CPNE7: variants seen among roughly 807,000 people sequenced by gnomAD.
The protein encoded by CPNE7 is copine 7.
CPNE7 carries 78 observed loss-of-function variants against 66.5 expected under a neutral mutation model. The ratio of observed to expected loss-of-function variants is 1.17; its 90% CI spans 0.98 to 1.42. CPNE7 has a LOEUF of 1.42. CPNE7 is among the 40% of genes most tolerant of loss of function. The pLI is 0.00. For synonymous variants in CPNE7, 468 were observed against 336.7 expected (o/e 1.39, Z -4.27); for missense variants, 1,012 against 776.6 (o/e 1.30, Z -3.60).
intron 11 of CPNE7, 144 bp downstream of exon 11, chr16:89,590,095 C>T (rs2059145549): frequency 1.1e-6 from 1 of 940,076 alleles, no homozygotes; most frequent in Non-Finnish European, 1.6e-6. Flanking sequence ...GCGGGAACCC[C>T]AGCCTTCTAG....
intron 11 of CPNE7, among the ~76,000 whole-genome samples, chr16:89,590,156 C>T (rs905514825): frequency 9.2e-5 from 14 of 152,218 alleles, no homozygotes; most frequent in East Asian, 1.9e-4. Flanking sequence ...TGAGGGGTGT[C>T]TGGAGGCCAA....
chr16:89,584,933 AG>A lies in CPNE7; in HGVS notation c.591+78del. ...CCTCACGCATCTCTGGCCACATGGG[AG>A]GAGCTCCCAGCCTCCAACAGGGAGC... On this transcript the variant is annotated intron_variant, in intron 5 of 14. Transcript: ENST00000319518. This position sits in a 1 kb window ranked among gnomAD's most constrained non-coding sequence, Gnocchi z 6.0. The A allele has an allele frequency of 7.7e-7, 1 of 1,292,006 alleles. No homozygotes were observed. Among genetic ancestry groups the A allele is most frequent in the Non-Finnish European group, 1.1e-6 (1 of 901,424 alleles). The allele number at this position is 1,292,006 out of a possible 1,614,324, so 80.0% of individuals were successfully genotyped here.
In CPNE7 at chr16:89,584,843, G is replaced by C; in HGVS notation, c.577G>C (p.Val193Leu). ...CAACGACGACCAGGGCTTGCAGCTG[G>C]TGTACAGGACGGAGGTGAGCGGCCG... Reference protein sequence around the residue: ...RVNDDQGLQLVYRTEVVKNNL... With the variant: ...RVNDDQGLQLLYRTEVVKNNL... The change falls in exon 5 of 15, where the codon GTG becomes CTG. Residue 193 changes from valine (V) to leucine (L), a missense_variant. Coordinates refer to ENST00000319518, the MANE Select transcript of CPNE7 (RefSeq NM_153636.3). The surrounding 1 kb of genome is among the most constrained non-coding windows in gnomAD (Gnocchi z 6.0). 6.2e-7 allele frequency: 1 copy of C among 1,613,552 alleles called. No homozygotes were observed. Among genetic ancestry groups the C allele is most frequent in the Non-Finnish European group, 8.5e-7 (1 of 1,179,942 alleles).
chr16:89,578,644 C>T (rs1456408573), intron 2 of CPNE7, among the ~76,000 whole-genome samples: 1 of 151,564 alleles, frequency 6.6e-6, no homozygotes, highest in Non-Finnish European at 1.5e-5. Context: ...CCTGTAATCC[C>T]AGCTACTCTG....
chr16:89,585,347 T>C (rs753399633), intron 5 of CPNE7, 117 bp from the exon 6 acceptor site: 40 of 728,704 alleles, frequency 5.5e-5, no homozygotes, highest in Non-Finnish European at 9.0e-5. Context: ...TCTGGGGTGA[T>C]GCAGGGGCAG....
At chr16:89,589,666 G>A (rs980749709) in intron 10 of CPNE7, among the ~76,000 whole-genome samples, 9 of 152,124 alleles carry the variant, frequency 5.9e-5, no homozygotes, top group African/African-American at 1.9e-4. Context: ...GTACACAAAC[G>A]TGGAGTTGGG....
rs2059011912 is a variant in CPNE7 at position 89,584,913 on chromosome 16, CGCATCTCT to C, written c.591+58_591+65del. The C allele has an allele frequency of 6.7e-7, 1 of 1,485,300 alleles. No individual in the cohort carries two copies. The highest frequency in any genetic ancestry group is 9.4e-7 in the Non-Finnish European group (1 of 1,069,082). The allele number at this position is 1,485,300 out of a possible 1,614,324, so 92.0% of individuals were successfully genotyped here. A position where few individuals can be genotyped will look rare whatever the true frequency, so the allele number is the denominator to read the frequency against. On this transcript the variant is annotated intron_variant, in intron 5 of 14. Transcript: ENST00000319518. The surrounding 1 kb of genome is among the most constrained non-coding windows in gnomAD (Gnocchi z 6.0). ...GGGAAGGGGCTGTCCCCAGCCCTCA[CGCATCTCT>C]GGCCACATGGGAGGAGCTCCCAGCC...
intron 2 of CPNE7, among the ~76,000 whole-genome samples, chr16:89,581,958 A>G (rs928414797): frequency 7.9e-5 from 12 of 152,192 alleles, no homozygotes; most frequent in East Asian, 3.9e-4. Flanking sequence ...ACACCTTTCT[A>G]TGTACACACA....
At chr16:89,593,588 G>A (rs540770126) in intron 13 of CPNE7, among the ~76,000 whole-genome samples, 50 of 152,124 alleles carry the variant, frequency 3.3e-4, no homozygotes, top group Admixed American at 8.5e-4. Context: ...TCCTGACCTC[G>A]TGATCCGCCC....
intron 9 of CPNE7, chr16:89,587,517 T>A (rs2059073877): frequency 4.4e-6 from 2 of 451,224 alleles, no homozygotes; most frequent in Non-Finnish European, 8.9e-6. Flanking sequence ...GGAGGTGACA[T>A]CACCAGGGCT....
In CPNE7 at chr16:89,587,200, G is replaced by C. The variant is rs1413185055; in HGVS notation, c.927+98G>C. The C allele has an allele frequency of 2.4e-4, 102 of 426,518 alleles. 1 individual carries two copies. In the African/African-American group the frequency reaches 4.6e-3, roughly 19 times the overall value. The allele number at this position is 426,518 out of a possible 1,614,324, so 26.4% of individuals were successfully genotyped here. ...GGCCCCGCCCCTCCCCGCCCCCTCA[G>C]TCTGTGGCCCCGCCCATCCCCGCCC... is the stretch of plus-strand genomic sequence containing the variant. On this transcript the variant is annotated intron_variant, in intron 9 of 14. Transcript: ENST00000319518.
chr16:89,584,639 C>T lies in CPNE7; in HGVS notation c.508-135C>T. 1.5e-6 allele frequency: 1 copy of T among 683,702 alleles called. No homozygotes were observed. The highest frequency in any genetic ancestry group is 2.6e-6 in the Non-Finnish European group (1 of 387,624). 42.4% of individuals were successfully genotyped at this position (683,702 alleles called of 1,614,324 possible). A position where few individuals can be genotyped will look rare whatever the true frequency, so the allele number is the denominator to read the frequency against. On this transcript the variant is annotated intron_variant, in intron 4 of 14. Transcript: ENST00000319518. This position sits in a 1 kb window ranked among gnomAD's most constrained non-coding sequence, Gnocchi z 6.0. ...AGGGACGAGATGCTGTCGGCGGGGA[C>T]TGGCTGCCTCGTTTTGTGCCTGAGG...
At position 89,587,646 on chromosome 16, in the gene CPNE7, C is replaced by T. The variant is rs1177525827; in HGVS notation, c.927+544C>T. ...CATCCAAGGAGCCCGGCACAGACCC[C>T]GTGTCACCCCCATGTCACCCGCAGA... is the stretch of plus-strand genomic sequence containing the variant. On this transcript the variant is annotated intron_variant, in intron 9 of 14. Transcript: ENST00000319518. 263 of 446,862 alleles carry T rather than the reference C, an allele frequency of 5.9e-4. 2 individuals carry two copies. The highest frequency in any genetic ancestry group is 4.0e-3 in the South Asian group (254 of 63,780). The allele number at this position is 446,862 out of a possible 1,614,324, so 27.7% of individuals were successfully genotyped here.
chr16:89,581,416 G>A (rs972066862), intron 2 of CPNE7, among the ~76,000 whole-genome samples: 3 of 152,138 alleles, frequency 2.0e-5, no homozygotes, highest in African/African-American at 7.2e-5. Context: ...CCAGCTCCCC[G>A]CCTGGTTCGT....
rs1052271089 is a variant in CPNE7 at position 89,588,726 on chromosome 16, C to T, written c.979C>T (p.Leu327=). Residue 327 remains leucine, a synonymous_variant, in exon 10 of 15, where the codon CTG becomes TTG. Transcript: ENST00000319518. ...SNGDPRNSCS[L]HYINPYQPNE... ...TGGAGACCCGCGGAACAGCTGCTCC[C>T]TGCACTACATCAACCCCTACCAGCC... 2 of 1,613,650 alleles carry T rather than the reference C, an allele frequency of 1.2e-6. No homozygotes were observed. Among genetic ancestry groups the T allele is most frequent in the Non-Finnish European group, 1.7e-6 (2 of 1,179,984 alleles).
rs1273138043 is a variant in CPNE7 at position 89,591,047 on chromosome 16, A to G, written c.1157A>G (p.Asp386Gly). 39 of 1,613,352 alleles carry G rather than the reference A, an allele frequency of 2.4e-5. No individual in the cohort carries two copies. Among genetic ancestry groups the G allele is most frequent in the Non-Finnish European group, 3.1e-5 (37 of 1,179,836 alleles). The change falls in exon 12 of 15, where the codon GAT (aspartate) becomes GGT (glycine). Residue 386 changes from aspartate (D) to glycine (G), a missense_variant. Physicochemically the swap from Asp to Gly is moderately conservative, Grantham distance 94. Transcript: ENST00000319518. The part of the protein sequence containing the change: ...DFAINFNPED[D>G]ECEGIQGVVE... The stretch of plus-strand genomic sequence containing the variant: ...GCCATCAATTTCAACCCTGAGGACG[A>G]TGAGTGTGAAGGTAGGAGCTCGAGG...
Position 89,584,125 on chromosome 16 carries a change from C to T in CPNE7, c.507+23C>T. The T allele has an allele frequency of 6.3e-7, 1 of 1,599,696 alleles. No individual in the cohort carries two copies. The highest frequency in any genetic ancestry group is 8.5e-7 in the Non-Finnish European group (1 of 1,174,690). On this transcript the variant is annotated intron_variant, in intron 4 of 14. Coordinates refer to ENST00000319518, the MANE Select transcript of CPNE7 (RefSeq NM_153636.3). This position sits in a 1 kb window ranked among gnomAD's most constrained non-coding sequence, Gnocchi z 6.0. ...AAGGTGAGTGCAGGTGCCGGGCACG[C>T]CTGGCTCAGGCTGAGGTCCGGGAAC...
chr16:89,577,791 G>A (rs967949466), intron 2 of CPNE7, 70 bp downstream of exon 2: 2 of 1,490,646 alleles, frequency 1.3e-6, no homozygotes, highest in Admixed American at 2.0e-5. Flanking sequence ...CAAGGCTGAT[G>A]TACCAGCACC....
At position 89,589,603 on chromosome 16, in the gene CPNE7, A is replaced by ACCCCT. The variant is rs1164945400; in HGVS notation, c.1062-290_1062-286dup. On this transcript the variant is annotated intron_variant, in intron 10 of 14. Coordinates refer to ENST00000319518, the MANE Select transcript of CPNE7 (RefSeq NM_153636.3). ...ACAGTGGGTTCCTTGGCCCCACAGG[A>ACCCCT]CCCCTCCCGTGGTCTGAGAGCCCCC... Among the ~76,000 whole-genome samples, 3 of 151,332 alleles carry ACCCCT rather than the reference A, an allele frequency of 2.0e-5. No homozygotes were observed. The East Asian group carries it at 5.9e-4, about 30-fold the overall frequency.
Sources: allele counts gnomAD v4.1 joint callset (sites outside exome capture counted in the v4.1 genomes callset), GRCh38; gene constraint gnomAD v4.1.1; non-coding constraint Gnocchi (gnomAD v3.1); transcripts MANE v1.5; gene names NCBI Gene and HGNC (gene_info 2026-07-23, HGNC 2026-07-21).